Variants in TAFA5 observed in about 807,000 individuals in gnomAD.
TAFA5 encodes the protein TAFA chemokine like family member 5.
A neutral mutation model predicts 15.3 loss-of-function variants in TAFA5; 6 were observed. That is an observed-to-expected ratio of 0.39 (90% CI 0.21 to 0.77). TAFA5 has a LOEUF of 0.77. TAFA5 is among the 30% of genes least tolerant of loss of function. The pLI is 0.41. For missense variants in TAFA5, 161 were observed against 193.1 expected, an observed-to-expected ratio of 0.83 and a Z score of 0.98; for synonymous variants, 103 against 80.7, an observed-to-expected ratio of 1.28 and a Z score of -1.48.
intron 1 of TAFA5, among the ~76,000 whole-genome samples, chr22:48,555,679 G>T (rs1202472611): frequency 6.6e-6 from 1 of 152,196 alleles, no homozygotes; most frequent in Non-Finnish European, 1.5e-5. Flanking sequence ...CTGCAGCCAG[G>T]TGACCCCGTC....
At chr22:48,517,958 C>T (rs1006235581) in intron 1 of TAFA5, among the ~76,000 whole-genome samples, 1 of 152,226 alleles carries the variant, frequency 6.6e-6, no homozygotes, top group African/African-American at 2.4e-5. Flanking sequence ...CTTTGTGTCT[C>T]CTCCCTAATT....
intron 1 of TAFA5, among the ~76,000 whole-genome samples, chr22:48,557,868 G>C (rs1349775465): frequency 6.6e-6 from 1 of 152,244 alleles, no homozygotes; most frequent in African/African-American, 2.4e-5. Flanking sequence ...CCCTGAAAAT[G>C]GGTCCCAGGA....
chr22:48,606,704 G>A (rs768908566), intron 1 of TAFA5, among the ~76,000 whole-genome samples: 1 of 152,222 alleles, frequency 6.6e-6, no homozygotes, highest in African/African-American at 2.4e-5. Flanking sequence ...ATTCAGCCTG[G>A]ATTAGCGATC....
chr22:48,704,294 TG>T (rs983476639), intron 2 of TAFA5, among the ~76,000 whole-genome samples: 2 of 152,190 alleles, frequency 1.3e-5, no homozygotes, highest in Non-Finnish European at 2.9e-5. Flanking sequence ...GGGGCATGTG[TG>T]TTTCATCCTG....
intron 1 of TAFA5, among the ~76,000 whole-genome samples, chr22:48,622,870 G>T (rs944236140): frequency 2.0e-5 from 3 of 152,216 alleles, no homozygotes; most frequent in Admixed American, 6.5e-5. Context: ...GGTCTCGGCT[G>T]TGTGGACAGG....
At position 48,598,426 on chromosome 22, in the gene TAFA5, G is replaced by A. The variant is rs557911719; in HGVS notation, c.113-48171G>A. On this transcript the variant is annotated intron_variant, in intron 1 of 3. Coordinates refer to ENST00000402357, the MANE Select transcript of TAFA5 (RefSeq NM_001082967.3). The surrounding 1 kb of genome is among the most constrained non-coding windows in gnomAD (Gnocchi z 4.0). ...GTGGTGAGGGGCTGGCGCTGTGATCGTGCTTAGTGTTTATGGCGTGGGGCT... is the reference window on the plus strand; with the variant it reads ...GTGGTGAGGGGCTGGCGCTGTGATCATGCTTAGTGTTTATGGCGTGGGGCT... Among the ~76,000 whole-genome samples, 25 of 152,264 alleles carry A rather than the reference G, an allele frequency of 1.6e-4. No individual in the cohort carries two copies. The highest frequency in any genetic ancestry group is 5.8e-4 in the East Asian group (3 of 5,168).
chr22:48,593,733 G>A (rs1166920942), intron 1 of TAFA5, among the ~76,000 whole-genome samples: 1 of 152,182 alleles, frequency 6.6e-6, no homozygotes, highest in Non-Finnish European at 1.5e-5. Flanking sequence ...AAGGCCAGCT[G>A]GGGCCATCCC....
intron 1 of TAFA5, among the ~76,000 whole-genome samples, chr22:48,643,506 C>A (rs974265918): frequency 2.0e-5 from 3 of 152,236 alleles, no homozygotes; most frequent in Non-Finnish European, 4.4e-5. Context: ...TGGCCCTGCC[C>A]AGTGCGTGGC....
chr22:48,669,148 T>A (rs1927721504), intron 2 of TAFA5, among the ~76,000 whole-genome samples: 1 of 152,228 alleles, frequency 6.6e-6, no homozygotes, highest in African/African-American at 2.4e-5. Flanking sequence ...CCGAATCTGC[T>A]GATGCCTTGA....
chr22:48,653,447 TCA>T (rs1474722527), intron 2 of TAFA5, among the ~76,000 whole-genome samples: 1 of 152,206 alleles, frequency 6.6e-6, no homozygotes, highest in Non-Finnish European at 1.5e-5. Context: ...GAGCCACAAC[TCA>T]CAGTGCCCTG....
At chr22:48,513,158 G>C (rs1417350510) in intron 1 of TAFA5, among the ~76,000 whole-genome samples, 1 of 152,088 alleles carries the variant, frequency 6.6e-6, no homozygotes, top group Non-Finnish European at 1.5e-5. Context: ...GGGACCCTCG[G>C]TAACCCTAAA....
At chr22:48,622,635 A>G (rs1450221961) in intron 1 of TAFA5, among the ~76,000 whole-genome samples, 1 of 152,208 alleles carries the variant, frequency 6.6e-6, no homozygotes, top group African/African-American at 2.4e-5. Flanking sequence ...AAGTTACACC[A>G]TGGAGGGAGT....
chr22:48,605,740 CT>C (rs1390832752), intron 1 of TAFA5, among the ~76,000 whole-genome samples: 2 of 152,162 alleles, frequency 1.3e-5, no homozygotes, highest in Non-Finnish European at 1.5e-5. Context: ...GGCTTTGCCC[CT>C]CTCACCCTGT....
At chr22:48,618,617 C>T (rs145764351) in intron 1 of TAFA5, among the ~76,000 whole-genome samples, 293 of 152,166 alleles carry the variant, frequency 1.9e-3, no homozygotes, top group Middle Eastern at 0.01. Context: ...TATCTGTAAT[C>T]GGGTGGCCTT....
intron 2 of TAFA5, among the ~76,000 whole-genome samples, chr22:48,649,028 G>A (rs1926963452): frequency 6.6e-6 from 1 of 152,200 alleles, no homozygotes; most frequent in Admixed American, 6.5e-5. Context: ...AGACTGTGCA[G>A]GAACAGGCCA....
At chr22:48,546,471 C>T (rs1452800152) in intron 1 of TAFA5, 1 of 469,692 alleles carries the variant, frequency 2.1e-6, no homozygotes, top group Non-Finnish European at 4.4e-6. Flanking sequence ...GAAAGAATCC[C>T]CTTTCTCAAA....
At chr22:48,639,162 C>T (rs992044310) in intron 1 of TAFA5, among the ~76,000 whole-genome samples, 8 of 152,310 alleles carry the variant, frequency 5.3e-5, no homozygotes, top group African/African-American at 1.9e-4. Context: ...GGTGTGTGAG[C>T]ACTCCCTACG....
chr22:48,530,714 C>T lies in TAFA5; in HGVS notation c.112+41010C>T, dbSNP rs1921941683. ...CACATGGGACCTGCTGTCTTTGGGCCGGGAGTCATAGCCACCTGGTTCACA... is the reference window on the plus strand; with the variant it reads ...CACATGGGACCTGCTGTCTTTGGGCTGGGAGTCATAGCCACCTGGTTCACA... On this transcript the variant is annotated intron_variant, in intron 1 of 3. Coordinates refer to ENST00000402357, the MANE Select transcript of TAFA5 (RefSeq NM_001082967.3). This position sits in a 1 kb window ranked among gnomAD's most constrained non-coding sequence, Gnocchi z 6.0. 1.3e-5 allele frequency among the ~76,000 whole-genome samples: 2 copies of T among 152,072 alleles called. No individual in the cohort carries two copies. The highest frequency in any genetic ancestry group is 6.5e-5 in the Admixed American group (1 of 15,274).
At chr22:48,581,389 C>G (rs1924033361) in intron 1 of TAFA5, among the ~76,000 whole-genome samples, 1 of 152,218 alleles carries the variant, frequency 6.6e-6, no homozygotes, top group Admixed American at 6.5e-5. Context: ...TGCGGCTGAT[C>G]TTGCCGCCGG....
Sources: allele counts gnomAD v4.1 joint callset (sites outside exome capture counted in the v4.1 genomes callset), GRCh38; gene constraint gnomAD v4.1.1; non-coding constraint Gnocchi (gnomAD v3.1); transcripts MANE v1.5; gene names NCBI Gene and HGNC (gene_info 2026-07-23, HGNC 2026-07-21).